Variants in CIITA observed in about 807,000 individuals in gnomAD.
The protein encoded by CIITA is class II major histocompatibility complex transactivator, also known as MHC class II transactivator.
CIITA carries 72 observed loss-of-function variants against 115.1 expected under a neutral mutation model. The observed-to-expected ratio is 0.63, with a 90% CI of 0.52 to 0.76. The LOEUF (loss-of-function observed/expected upper bound fraction) is 0.76, where lower values mean the gene tolerates loss of function less well. Among genes scored for constraint, CIITA ranks in the 30% least tolerant of loss-of-function variants. CIITA has a pLI of 0.00. For synonymous variants in CIITA, 763 were observed against 635.6 expected, an observed-to-expected ratio of 1.20 and a Z score of -3.02; for missense variants, 1,617 against 1,463.8, an observed-to-expected ratio of 1.10 and a Z score of -1.71.
In CIITA at chr16:10,925,349, C is replaced by G. The variant is rs2040488160; in HGVS notation, c.*1494C>G. 2 of 152,246 alleles carry G rather than the reference C, an allele frequency of 1.3e-5. No individual in the cohort carries two copies. The allele number at this position is 152,246 out of a possible 1,614,324, so 9.4% of individuals were successfully genotyped here. ...AAGAGGCAGGGTCTCACTCTGTCGCCCAGTCTGGAATGCAGTGGTATGATC... is the reference window on the plus strand; with the variant it reads ...AAGAGGCAGGGTCTCACTCTGTCGCGCAGTCTGGAATGCAGTGGTATGATC... On this transcript the variant is annotated 3_prime_UTR_variant, in exon 20 of 20. Coordinates refer to ENST00000324288, the MANE Select transcript of CIITA (RefSeq NM_000246.4).
Position 10,929,065 on chromosome 16 carries a change from A to G in CIITA, c.*5210A>G, listed in dbSNP as rs956004560. On this transcript the variant is annotated 3_prime_UTR_variant, in exon 20 of 20. Coordinates refer to ENST00000324288, the MANE Select transcript of CIITA (RefSeq NM_000246.4). This position sits in a 1 kb window ranked among gnomAD's most constrained non-coding sequence, Gnocchi z 4.3. ...TGTCTGTTTTGCCAACTTGCTGAAG[A>G]ACGAGTAACCTGAAATGAAGGAGCG... 3.1e-6 allele frequency: 1 copy of G among 327,764 alleles called. No individual in the cohort carries two copies. Among genetic ancestry groups the G allele is most frequent in the African/African-American group, 2.2e-5 (1 of 44,602 alleles). 20.3% of individuals were successfully genotyped at this position (327,764 alleles called of 1,614,324 possible). A position where few individuals can be genotyped will look rare whatever the true frequency, so the allele number is the denominator to read the frequency against.
At chr16:10,867,448 C>T (rs1038115917) in intron 1 of CIITA, among the ~76,000 whole-genome samples, 30 of 149,612 alleles carry the variant, frequency 2.0e-4, no homozygotes, top group African/African-American at 7.4e-4. Context: ...GAAAGACAGA[C>T]ACAGAAAGAG....
Position 10,907,183 on chromosome 16 carries a change from T to C in CIITA, c.1691T>C (p.Phe564Ser). The C allele has an allele frequency of 1.2e-6, 2 of 1,612,974 alleles. No individual in the cohort carries two copies. Among genetic ancestry groups the C allele is most frequent in the African/African-American group, 1.3e-5 (1 of 74,816 alleles). Reference protein sequence around the residue: ...VQSLSKADALFELSGFSMEQA... With the variant: ...VQSLSKADALSELSGFSMEQA... ...AGCCTGAGCAAGGCCGACGCCCTAT[T>C]TGAGCTGTCCGGCTTCTCCATGGAG... The change falls in exon 11 of 20, where the codon TTT becomes TCT. Residue 564 changes from phenylalanine to serine, a missense_variant. Coordinates refer to ENST00000324288, the MANE Select transcript of CIITA (RefSeq NM_000246.4). This position sits in a 1 kb window ranked among gnomAD's most constrained non-coding sequence, Gnocchi z 5.0.
intron 1 of CIITA, among the ~76,000 whole-genome samples, chr16:10,871,621 C>T (rs918069951): frequency 6.6e-6 from 1 of 152,204 alleles, no homozygotes; most frequent in African/African-American, 2.4e-5. Flanking sequence ...CCTCCAGCTT[C>T]CTTCCCCATC....
intron 1 of CIITA, among the ~76,000 whole-genome samples, chr16:10,893,298 A>C (rs535707831): frequency 6.6e-6 from 1 of 152,256 alleles, no homozygotes; most frequent in Non-Finnish European, 1.5e-5. Context: ...CTGGGAAATG[A>C]ATATACCATG....
At position 10,907,988 on chromosome 16, in the gene CIITA, C is replaced by T. The variant is rs1317563422; in HGVS notation, c.2496C>T (p.Arg832=). ...ACGTGGTACAGGAGCTCCCCGGCCG[C>T]CTCTCTTTTCTGGGCACCCGCCTCA... The part of the protein sequence containing the change: ...WQHVVQELPG[R]LSFLGTRLTP... Residue 832 remains arginine (R), a synonymous_variant, in exon 11 of 20, where the codon CGC becomes CGT. Transcript: ENST00000324288. The surrounding 1 kb of genome is among the most constrained non-coding windows in gnomAD (Gnocchi z 5.0). 30 of 1,589,182 alleles carry T rather than the reference C, an allele frequency of 1.9e-5. No homozygotes were observed. Among genetic ancestry groups the T allele is most frequent in the Non-Finnish European group, 2.5e-5 (29 of 1,165,662 alleles).
chr16:10,922,795 C>T (rs979993138), intron 18 of CIITA: 9 of 532,322 alleles, frequency 1.7e-5, no homozygotes, highest in East Asian at 1.3e-4. Flanking sequence ...TGCTGACATC[C>T]ACCCATTTTT....
In CIITA at chr16:10,904,786, T is replaced by C; in HGVS notation, c.980T>C (p.Val327Ala). Residue 327 changes from valine (V) to alanine (A), a missense_variant, in exon 10 of 20, where the codon GTC (valine) becomes GCC (alanine). By Grantham distance (64) the Val-to-Ala change is moderately conservative. Coordinates refer to ENST00000324288, the MANE Select transcript of CIITA (RefSeq NM_000246.4). The stretch of plus-strand genomic sequence containing the variant: ...ACCCAATGCCCGGCAGCTGGAGAGG[T>C]CTCCAACAAGCTTCCAAAATGGCCT... ...SPTQCPAAGE[V>A]SNKLPKWPEP... 6.2e-7 allele frequency: 1 copy of C among 1,613,968 alleles called. No homozygotes were observed. Among genetic ancestry groups the C allele is most frequent in the Non-Finnish European group, 8.5e-7 (1 of 1,179,976 alleles).
chr16:10,911,779 G>A lies in CIITA; in HGVS notation c.2888+1520G>A, dbSNP rs373125619. ...TTGCCCAGTCTGGTCTCGAGCTCCT[G>A]GGCTCAAGCAATCCTCCCACCTCAG... On this transcript the variant is annotated intron_variant, in intron 13 of 19. Transcript: ENST00000324288. Among the ~76,000 whole-genome samples, 225 of 151,914 alleles carry A rather than the reference G, an allele frequency of 1.5e-3. 1 individual carries two copies. The highest frequency in any genetic ancestry group is 5.2e-3 in the African/African-American group (214 of 41,428).
At position 10,902,787 on chromosome 16, in the gene CIITA, T is replaced by C. The variant is rs761152169; in HGVS notation, c.758T>C (p.Ile253Thr). ...GAGGCTGGAACAGGGGTCTCCAGTATATTCATCTACCATGGTGAGTGCGGG... is the reference window on the plus strand; with the variant it reads ...GAGGCTGGAACAGGGGTCTCCAGTACATTCATCTACCATGGTGAGTGCGGG... ...ISEAGTGVSS[I>T]FIYHGEVPQA... The change falls in exon 8 of 20, where the codon ATA becomes ACA. Residue 253 changes from isoleucine (I) to threonine (T), a missense_variant. Physicochemically the swap from Ile to Thr is moderately conservative, Grantham distance 89. Transcript: ENST00000324288. The C allele has an allele frequency of 1.2e-6, 2 of 1,614,070 alleles. No homozygotes were observed. The highest frequency in any genetic ancestry group is 2.7e-5 in the African/African-American group (2 of 74,910).
chr16:10,923,220 C>T lies in CIITA; in HGVS notation c.3318-8C>T, dbSNP rs201115726. 2.5e-6 allele frequency: 4 copies of T among 1,612,678 alleles called. No homozygotes were observed. The highest frequency in any genetic ancestry group is 1.1e-5 in the South Asian group (1 of 91,078). On this transcript the variant is annotated splice_polypyrimidine_tract_variant and splice_region_variant and intron_variant, in intron 18 of 19. Transcript: ENST00000324288. This position sits in a 1 kb window ranked among gnomAD's most constrained non-coding sequence, Gnocchi z 5.2. ...TAACCTGGCTCTGAGTCCCATCCCC[C>T]CTTGCAGGATGTGGACGCCCACCAT...
rs530242901 is a variant in CIITA, at chr16:10,907,941, G to A, written c.2449G>A (p.Glu817Lys). The change falls in exon 11 of 20, where the codon GAG becomes AAG. Residue 817 changes from glutamate to lysine, a missense_variant. Transcript: ENST00000324288. The surrounding 1 kb of genome is among the most constrained non-coding windows in gnomAD (Gnocchi z 5.0). ...GCTGCTGCACTGCGCCCACGAGGCC[G>A]AGGAGGCTGGAATTTGGCAGCACGT... ...LELLHCAHEA[E>K]EAGIWQHVVQ... The A allele has an allele frequency of 1.9e-5, 29 of 1,563,040 alleles. No homozygotes were observed. Among genetic ancestry groups the A allele is most frequent in the East Asian group, 9.0e-5 (4 of 44,462 alleles).
At chr16:10,903,291 G>T (rs2038914810) in intron 8 of CIITA, among the ~76,000 whole-genome samples, 1 of 152,184 alleles carries the variant, frequency 6.6e-6, no homozygotes, top group South Asian at 2.1e-4. Context: ...GTTGTGACTT[G>T]TCTCAGGGAA....
intron 1 of CIITA, among the ~76,000 whole-genome samples, chr16:10,886,712 G>A (rs1567373406): frequency 6.6e-6 from 1 of 152,110 alleles, no homozygotes; most frequent in African/African-American, 2.4e-5. Flanking sequence ...CCACTTACTC[G>A]CTAAGTCACT....
Position 10,899,137 on chromosome 16 carries a change from A to G in CIITA, c.436+135A>G, listed in dbSNP as rs2038446542. ...GTTGGGAGGCCCTTTAAAAGCCAAC[A>G]GGAGCCTTAAAATGTACATCTGATT... is the stretch of plus-strand genomic sequence containing the variant. On this transcript the variant is annotated intron_variant, in intron 5 of 19. Coordinates refer to ENST00000324288, the MANE Select transcript of CIITA (RefSeq NM_000246.4). The G allele has an allele frequency of 3.8e-6, 3 of 791,094 alleles. No homozygotes were observed. In the African/African-American group the frequency reaches 5.1e-5, roughly 14 times the overall value. 49.0% of individuals were successfully genotyped at this position (791,094 alleles called of 1,614,324 possible). A position where few individuals can be genotyped will look rare whatever the true frequency, so the allele number is the denominator to read the frequency against.
chr16:10,909,289 C>A, intron 12 of CIITA, 102 bp downstream of exon 12: 1 of 1,219,602 alleles, frequency 8.2e-7, no homozygotes, highest in Non-Finnish European at 1.2e-6. Flanking sequence ...GCCCCCTGTC[C>A]TCTGGGACAC....
intron 12 of CIITA, among the ~76,000 whole-genome samples, 175 bp downstream of exon 12, chr16:10,909,362 G>A (rs942728946): frequency 1.3e-5 from 2 of 152,364 alleles, no homozygotes; most frequent in East Asian, 1.9e-4. Flanking sequence ...TGCCCAGGCG[G>A]AGCCTCTAGA....
At chr16:10,868,709 G>A (rs4436808) in intron 1 of CIITA, among the ~76,000 whole-genome samples, 7,622 of 152,138 alleles carry the variant, frequency 0.05, 1,025 homozygotes, top group Admixed American at 0.27. Flanking sequence ...CTTCACTGCC[G>A]GACACTTCAG....
At chr16:10,911,028 G>A (rs895035664) in intron 13 of CIITA, among the ~76,000 whole-genome samples, 1 of 71,460 alleles carries the variant, frequency 1.4e-5, no homozygotes, top group Non-Finnish European at 3.6e-5. Context: ...CCAGGGCTGG[G>A]GGCCACACCC....
Sources: gnomAD v4.1 joint callset for allele counts (sites outside exome capture counted in the v4.1 genomes callset) on GRCh38, gnomAD v4.1.1 for gene constraint, Gnocchi (gnomAD v3.1) non-coding constraint, MANE v1.5 for transcripts, NCBI Gene and HGNC (gene_info 2026-07-23, HGNC 2026-07-21) for gene names.